Variants in RPS29 observed in about 807,000 individuals in gnomAD.
RPS29 encodes the protein ribosomal protein S29, also known as small ribosomal subunit protein uS14.
For synonymous variants in RPS29, 37 were observed against 26.9 expected (o/e 1.37, Z -1.16); for missense variants, 60 against 75.7 (o/e 0.79, Z 0.77).
chr14:49,598,316 T>G, intron 1 of RPS29: 1 of 607,192 alleles, frequency 1.6e-6, no homozygotes, highest in South Asian at 1.9e-5. Context: ...ATCAAGAAAA[T>G]CAAGAGTACG....
chr14:49,576,677 C>G, exon 3 of RPS29: 1 of 152,112 alleles, frequency 6.6e-6, no homozygotes, highest in East Asian at 1.9e-4. Context: ...GAATTGTACT[C>G]GCATAATCCC....
chr14:49,586,179 C>A, intron 1 of RPS29, 106 bp downstream of exon 1: 1 of 1,407,160 alleles, frequency 7.1e-7, no homozygotes, highest in Non-Finnish European at 1.0e-6. Flanking sequence ...CAGCGACTCC[C>A]AGTCGGCGTG....
intron 2 of RPS29, chr14:49,585,661 A>G (rs1594573270): frequency 4.5e-6 from 2 of 447,042 alleles, no homozygotes; most frequent in East Asian, 3.3e-5. Flanking sequence ...TGGCTTCTCT[A>G]AAGTGAATTT....
downstream of RPS29, among the ~76,000 whole-genome samples, chr14:49,579,011 T>C (rs1349141492): frequency 6.6e-6 from 1 of 152,206 alleles, no homozygotes; most frequent in Admixed American, 6.5e-5. Context: ...ATGGGGACGG[T>C]ACCTCAGGGA....
downstream of RPS29, among the ~76,000 whole-genome samples, chr14:49,580,178 T>A (rs908420628): frequency 6.6e-6 from 1 of 152,200 alleles, no homozygotes; most frequent in African/African-American, 2.4e-5. Flanking sequence ...GAGACTCTCA[T>A]GACCAAATCA....
intron 2 of RPS29, among the ~76,000 whole-genome samples, chr14:49,583,910 T>C (rs1594571331): frequency 6.6e-6 from 1 of 152,254 alleles, no homozygotes; most frequent in Non-Finnish European, 1.5e-5. Context: ...CAAAGTAATG[T>C]TTCCCAAAAC....
chr14:49,596,017 G>A (rs1487399964), intron 1 of RPS29, among the ~76,000 whole-genome samples: 1 of 129,918 alleles, frequency 7.7e-6, no homozygotes, highest in East Asian at 2.7e-4. Flanking sequence ...AGGAAGAAAT[G>A]AAGGAGGGAG....
chr14:49,598,566 C>T, exon 1 of RPS29: 1 of 702,286 alleles, frequency 1.4e-6, no homozygotes, highest in South Asian at 1.5e-5. Flanking sequence ...GCCACTCAGA[C>T]AGTTCTAAGT....
At chr14:49,598,460 C>A (rs1165430792) in exon 1 of RPS29, 1 of 702,310 alleles carries the variant, frequency 1.4e-6, no homozygotes, top group Non-Finnish European at 2.6e-6. Context: ...CATATAAAGC[C>A]CCCCTTCGAC....
intron 1 of RPS29, among the ~76,000 whole-genome samples, chr14:49,595,681 A>G (rs940036261): frequency 2.6e-5 from 4 of 152,064 alleles, no homozygotes; most frequent in Non-Finnish European, 4.4e-5. Flanking sequence ...CTACAAAGTG[A>G]GCAAAGTTCA....
chr14:49,576,289 TA>T (rs5808507), exon 3 of RPS29: 69,985 of 151,726 alleles, frequency 0.46, 17,124 homozygotes, highest in Middle Eastern at 0.56. Flanking sequence ...TTTTGGTAGA[TA>T]GGGGATCTCC....
At chr14:49,575,249 G>C (rs922033787) in exon 3 of RPS29, 1 of 152,230 alleles carries the variant, frequency 6.6e-6, no homozygotes, top group Non-Finnish European at 1.5e-5. Context: ...CACTGCATTG[G>C]CCAGGCTGGT....
intron 1 of RPS29, chr14:49,597,590 A>T (rs1777936554): frequency 6.6e-6 from 1 of 152,176 alleles, no homozygotes; most frequent in Non-Finnish European, 1.5e-5. Flanking sequence ...TTTTGCTTAA[A>T]TGCTGAGTCG....
At position 49,585,583 on chromosome 14, in the gene RPS29, T is replaced by TAAAA. The variant is rs71441227; in HGVS notation, c.162+363_162+366dup. ...GGGCGACAGAGGGAGACCCTATCTCTAAAAAAAAAAAAAAGAGAATAGGTA... is the reference window on the plus strand; with the variant it reads ...GGGCGACAGAGGGAGACCCTATCTCTAAAAAAAAAAAAAAAAAAGAGAATAGGTA... On this transcript the variant is annotated intron_variant, in intron 2 of 2. Coordinates refer to ENST00000245458, the MANE Select transcript of RPS29 (RefSeq NM_001032.5). 695 of 286,744 alleles carry TAAAA rather than the reference T, an allele frequency of 2.4e-3. 4 individuals are homozygous for TAAAA. The highest frequency in any genetic ancestry group is 4.0e-3 in the South Asian group (31 of 7,806). The allele number at this position is 286,744 out of a possible 1,614,324, so 17.8% of individuals were successfully genotyped here.
intron 1 of RPS29, chr14:49,592,173 T>TAA (rs1432969172): frequency 6.6e-6 from 1 of 152,082 alleles, no homozygotes; most frequent in Non-Finnish European, 1.5e-5. Flanking sequence ...GATTCTTACT[T>TAA]ATTTTTTAAA....
exon 3 of RPS29, chr14:49,577,059 G>A (rs1478342166): frequency 2.0e-5 from 3 of 152,192 alleles, no homozygotes; most frequent in African/African-American, 7.2e-5. Context: ...CTGGCCAAGA[G>A]GATGAAACCC....
chr14:49,590,973 A>G (rs1881697966), upstream of RPS29, among the ~76,000 whole-genome samples: 1 of 151,986 alleles, frequency 6.6e-6, no homozygotes, highest in Admixed American at 6.6e-5. Context: ...TACAGGCATC[A>G]GCCACCACGC....
chr14:49,573,096 G>GA (rs1189763050), exon 3 of RPS29: 1 of 146,866 alleles, frequency 6.8e-6, no homozygotes, highest in African/African-American at 2.5e-5. Context: ...AAGAAAGAAA[G>GA]AAAGAAGGAA....
upstream of RPS29, among the ~76,000 whole-genome samples, chr14:49,587,175 A>T (rs1371633893): frequency 6.6e-6 from 1 of 152,250 alleles, no homozygotes; most frequent in Non-Finnish European, 1.5e-5. Flanking sequence ...TCCAAAAAAA[A>T]ATGAGATTCT....
Sources: allele counts gnomAD v4.1 joint callset (sites outside exome capture counted in the v4.1 genomes callset), GRCh38; gene constraint gnomAD v4.1.1; transcripts MANE v1.5; gene names NCBI Gene and HGNC (gene_info 2026-07-23, HGNC 2026-07-21).